Variants in SGMS1 observed in about 807,000 individuals in gnomAD.
SGMS1 encodes the protein sphingomyelin synthase 1, also known as phosphatidylcholine:ceramide cholinephosphotransferase 1.
SGMS1 carries 13 observed loss-of-function variants against 46.2 expected under a neutral mutation model. That is an observed-to-expected ratio of 0.28 (90% CI 0.18 to 0.45). The LOEUF is 0.45. Ranked by LOEUF, SGMS1 falls within the 20% of genes least tolerant of loss-of-function variation. SGMS1 has a pLI of 1.00. For synonymous variants in SGMS1, 203 were observed against 187.8 expected (o/e 1.08, Z -0.66); for missense variants, 324 against 519.9 (o/e 0.62, Z 3.66).
chr10:50,533,049 G>C (rs1837968992), intron 2 of SGMS1, among the ~76,000 whole-genome samples: 1 of 152,070 alleles, frequency 6.6e-6, no homozygotes, highest in Non-Finnish European at 1.5e-5. Context: ...AAATCCAAAG[G>C]ATGAGATATT....
Position 50,307,916 on chromosome 10 carries a change from C to G in SGMS1, c.1062+66G>C. ...TCAGACATCCACAGGTTCTTTGCAC[C>G]CTGTCCAAGCCAGCAACATCAAGCC... is the stretch of plus-strand genomic sequence containing the variant. On this transcript the variant is annotated intron_variant, in intron 10 of 10. Transcript: ENST00000361781. The surrounding 1 kb of genome is among the most constrained non-coding windows in gnomAD (Gnocchi z 4.2). The G allele has an allele frequency of 6.4e-7, 1 of 1,553,216 alleles. No individual in the cohort carries two copies. Among genetic ancestry groups the G allele is most frequent in the Non-Finnish European group, 8.8e-7 (1 of 1,134,280 alleles).
intron 2 of SGMS1, among the ~76,000 whole-genome samples, chr10:50,532,619 TTAAG>T (rs1447282971): frequency 1.4e-4 from 21 of 152,208 alleles, no homozygotes; most frequent in Non-Finnish European, 2.9e-4. Flanking sequence ...ATCGATGACA[TTAAG>T]TGAGGACTTA....
At chr10:50,483,406 C>T (rs1340949390) in intron 3 of SGMS1, among the ~76,000 whole-genome samples, 1 of 152,124 alleles carries the variant, frequency 6.6e-6, no homozygotes, top group African/African-American at 2.4e-5. Context: ...TTCTTAAAGA[C>T]CTATAAAGAG....
At chr10:50,435,467 C>G (rs1300140474) in intron 5 of SGMS1, among the ~76,000 whole-genome samples, 1 of 152,182 alleles carries the variant, frequency 6.6e-6, no homozygotes, top group African/African-American at 2.4e-5. Flanking sequence ...CTAAATGTAA[C>G]TTTTGACAAC....
upstream of SGMS1, chr10:50,625,077 C>T (rs888209768): frequency 1.5e-5 from 15 of 992,346 alleles, no homozygotes; most frequent in East Asian, 1.6e-3. Context: ...TCGGCACCTG[C>T]CTCCGCCTCG....
intron 6 of SGMS1, among the ~76,000 whole-genome samples, chr10:50,363,586 T>A (rs1010774844): frequency 6.6e-6 from 1 of 152,140 alleles, no homozygotes; most frequent in African/African-American, 2.4e-5. Context: ...TTAAACACAG[T>A]TGAAAGCAGT....
chr10:50,413,024 T>A (rs1277585323), intron 6 of SGMS1, among the ~76,000 whole-genome samples: 1 of 152,222 alleles, frequency 6.6e-6, no homozygotes, highest in Non-Finnish European at 1.5e-5. Context: ...AAAATCTAAC[T>A]TCCTTATATA....
intron 2 of SGMS1, among the ~76,000 whole-genome samples, chr10:50,568,178 G>A (rs1288045128): frequency 6.6e-6 from 1 of 152,090 alleles, no homozygotes; most frequent in Non-Finnish European, 1.5e-5. Context: ...TTTTAAACAG[G>A]TGCATGTATA....
At chr10:50,605,209 C>T (rs1374832522) in intron 1 of SGMS1, among the ~76,000 whole-genome samples, 5 of 152,188 alleles carry the variant, frequency 3.3e-5, no homozygotes, top group Admixed American at 3.3e-4. Context: ...CCTCCCCTAC[C>T]ACCCAGATTT....
intron 6 of SGMS1, among the ~76,000 whole-genome samples, chr10:50,401,074 C>T (rs77838174): frequency 0.032 from 4,829 of 152,182 alleles, 239 homozygotes; most frequent in African/African-American, 0.11. Context: ...TTGAGACATA[C>T]GACGTAAACC....
chr10:50,557,088 T>G (rs12259463), intron 2 of SGMS1, among the ~76,000 whole-genome samples: 7,097 of 152,318 alleles, frequency 0.047, 523 homozygotes, highest in African/African-American at 0.16. Context: ...TATGCAGTGC[T>G]GTTAATCTTT....
intron 5 of SGMS1, among the ~76,000 whole-genome samples, chr10:50,447,726 T>C (rs552342350): frequency 6.6e-6 from 1 of 152,306 alleles, no homozygotes; most frequent in East Asian, 1.9e-4. Flanking sequence ...AACTAACATA[T>C]GCATTACCTC....
At chr10:50,488,826 T>C (rs558506615) in intron 3 of SGMS1, among the ~76,000 whole-genome samples, 1 of 152,294 alleles carries the variant, frequency 6.6e-6, no homozygotes, top group South Asian at 2.1e-4. Context: ...TTGAGGTTTT[T>C]CCAACACCTG....
chr10:50,330,820 T>G (rs994612107), intron 7 of SGMS1, among the ~76,000 whole-genome samples: 5 of 152,180 alleles, frequency 3.3e-5, no homozygotes, highest in Non-Finnish European at 2.9e-5. Context: ...GATTCAGGTC[T>G]CTGATTAGTG....
intron 1 of SGMS1, among the ~76,000 whole-genome samples, chr10:50,606,149 AT>A (rs1316545153): frequency 2.6e-5 from 4 of 152,236 alleles, no homozygotes; most frequent in Non-Finnish European, 5.9e-5. Context: ...ACCATGGAAT[AT>A]TAAAAAGGAA....
chr10:50,361,219 C>T (rs993345008), intron 6 of SGMS1, among the ~76,000 whole-genome samples: 1 of 152,090 alleles, frequency 6.6e-6, no homozygotes, highest in African/African-American at 2.4e-5. Context: ...CAAGAGCTGG[C>T]GATGGGGGTA....
At chr10:50,458,336 T>C in intron 5 of SGMS1, among the ~76,000 whole-genome samples, 1 of 137,340 alleles carries the variant, frequency 7.3e-6, no homozygotes, top group African/African-American at 2.7e-5. Flanking sequence ...ATTTTCTTTT[T>C]CTCTTTTTTT....
chr10:50,605,917 G>T (rs1838690504), intron 1 of SGMS1, among the ~76,000 whole-genome samples: 1 of 152,024 alleles, frequency 6.6e-6, no homozygotes, highest in Non-Finnish European at 1.5e-5. Flanking sequence ...TCACCCTTCT[G>T]AGTCTCCATT....
chr10:50,441,695 C>T (rs1849548625), intron 5 of SGMS1, among the ~76,000 whole-genome samples: 1 of 152,206 alleles, frequency 6.6e-6, no homozygotes, highest in Non-Finnish European at 1.5e-5. Flanking sequence ...GAAAACACTG[C>T]TTCCTTACCA....
Sources: allele counts gnomAD v4.1 joint callset (sites outside exome capture counted in the v4.1 genomes callset), GRCh38; gene constraint gnomAD v4.1.1; non-coding constraint Gnocchi (gnomAD v3.1); transcripts MANE v1.5; gene names NCBI Gene and HGNC (gene_info 2026-07-23, HGNC 2026-07-21).